The following NUP62CL variants were observed in gnomAD, a reference collection of about 807,000 sequenced individuals.
NUP62CL encodes nucleoporin-62 C-terminal-like protein.
Under a neutral mutation model 15.3 loss-of-function variants are expected in NUP62CL, and 13 were observed. The observed-to-expected ratio is 0.85, with a 90% CI of 0.55 to 1.35. NUP62CL has a LOEUF of 1.35. Among genes scored for constraint, NUP62CL ranks in the 40% most tolerant of loss-of-function variants. NUP62CL has a pLI of 0.00. For synonymous variants in NUP62CL, 54 were observed against 49.2 expected (o/e 1.10, Z -0.41); for missense variants, 123 against 130.6 (o/e 0.94, Z 0.28).
chrX:107,157,881 C>T (rs1394480943), intron 4 of NUP62CL, among the ~76,000 whole-genome samples: 1 of 110,377 alleles, frequency 9.1e-6, no homozygotes, highest in African/African-American at 3.3e-5. Context: ...ATTCAGGAGA[C>T]CCATCTCATG....
rs2343172 is a variant in NUP62CL at position 107,152,077 on chromosome X, C to T, written c.530+1095G>A. Among the ~76,000 whole-genome samples, 294 of 36,995 alleles carry T rather than the reference C, an allele frequency of 7.9e-3. 17 individuals carry two copies. The highest frequency in any genetic ancestry group is 0.022 in the East Asian group (17 of 768). The allele number at this position is 36,995 out of a possible 115,157, so 32.1% of individuals were successfully genotyped here. On this transcript the variant is annotated intron_variant, in intron 7 of 8. Coordinates refer to ENST00000372466, the MANE Select transcript of NUP62CL (RefSeq NM_017681.3). ...ATATATATATATATATATATATATT[C>T]AGATATATATATATATATTCAGATA...
At chrX:107,170,880 C>T (rs1375511754) in intron 3 of NUP62CL, among the ~76,000 whole-genome samples, 2 of 112,094 alleles carry the variant, frequency 1.8e-5, no homozygotes, top group South Asian at 7.3e-4. Flanking sequence ...TGGTCTTAAC[C>T]AGTTAATACA....
chrX:107,163,791 A>G (rs1264389593), intron 4 of NUP62CL, among the ~76,000 whole-genome samples: 6 of 111,910 alleles, frequency 5.4e-5, no homozygotes, highest in Non-Finnish European at 1.1e-4. Context: ...TAAAGGAATC[A>G]AGGCATCCAG....
chrX:107,189,704 T>A (rs1215950875), intron 2 of NUP62CL, among the ~76,000 whole-genome samples: 2 of 106,646 alleles, frequency 1.9e-5, no homozygotes. Context: ...GAAGAATCAC[T>A]TGAGCCTGGG....
chrX:107,165,482 C>G (rs1044310179), intron 4 of NUP62CL, among the ~76,000 whole-genome samples: 1 of 110,581 alleles, frequency 9.0e-6, no homozygotes, highest in Non-Finnish European at 1.9e-5. Context: ...TTTTATAGAG[C>G]CAATGTTACC....
chrX:107,203,889 TA>T (rs1490194894), intron 1 of NUP62CL, among the ~76,000 whole-genome samples: 1 of 111,460 alleles, frequency 9.0e-6, no homozygotes, highest in Non-Finnish European at 1.9e-5. Flanking sequence ...ACCAGTGTTT[TA>T]AAATACTCTA....
At chrX:107,199,156 A>G (rs1927424867) in intron 1 of NUP62CL, among the ~76,000 whole-genome samples, 2 of 111,633 alleles carry the variant, frequency 1.8e-5, no homozygotes, top group Admixed American at 1.9e-4. Flanking sequence ...GCACTTATTG[A>G]AACTGAAATC....
At chrX:107,152,117 G>GATATAT (rs3072230) in intron 7 of NUP62CL, among the ~76,000 whole-genome samples, 3 of 34,746 alleles carry the variant, frequency 8.6e-5, no homozygotes, top group African/African-American at 4.7e-4. Flanking sequence ...TATATATTCA[G>GATATAT]ATATATATAT....
In NUP62CL at chrX:107,124,024, G is replaced by A. The variant is rs907142516; in HGVS notation, c.*351C>T. On this transcript the variant is annotated 3_prime_UTR_variant, in exon 9 of 9. Transcript: ENST00000372466. ...ACACATATAGAGTCAGCATCTAAGA[G>A]GTTGCTGTCTGGACAAAGGGGCTAG... The A allele has an allele frequency of 4.4e-6, 1 of 226,455 alleles. No homozygotes were observed. The highest frequency in any genetic ancestry group is 6.9e-5 in the Admixed American group (1 of 14,516). 18.7% of individuals were successfully genotyped at this position (226,455 alleles called of 1,213,427 possible).
At chrX:107,184,504 A>AACT (rs1927005367) in intron 2 of NUP62CL, among the ~76,000 whole-genome samples, 1 of 111,411 alleles carries the variant, frequency 9.0e-6, no homozygotes, top group African/African-American at 3.3e-5. Flanking sequence ...AGAATCAGTG[A>AACT]ACTGGATGAT....
intron 2 of NUP62CL, among the ~76,000 whole-genome samples, chrX:107,189,842 G>GA (rs1335073707): frequency 1.1e-5 from 1 of 87,807 alleles, no homozygotes; most frequent in African/African-American, 4.4e-5. Context: ...AGGAAGGAAG[G>GA]AAGGAAGGAA....
chrX:107,176,670 A>G (rs1409350637), intron 2 of NUP62CL, among the ~76,000 whole-genome samples: 1 of 110,638 alleles, frequency 9.0e-6, no homozygotes, highest in Non-Finnish European at 1.9e-5. Flanking sequence ...TAAAACAGTG[A>G]ATTTTAAGAT....
chrX:107,154,170 G>C lies in NUP62CL; in HGVS notation c.271C>G (p.Gln91Glu), dbSNP rs1926117854. Reference protein sequence around the residue: ...INEWNLELEDQEKYFLLQATQ... With the variant: ...INEWNLELEDEEKYFLLQATQ... ...GCCTGGAGAAGAAAGTACTTCTCTT[G>C]ATCTTCCAGCTCAAGGTTCCACTCA... The change falls in exon 5 of 9, where the codon CAA becomes GAA. Residue 91 changes from glutamine (Q) to glutamate (E), a missense_variant. Physicochemically the swap from Gln to Glu is conservative, Grantham distance 29 (BLOSUM62 2). Transcript: ENST00000372466. The C allele has an allele frequency of 3.3e-6, 4 of 1,204,731 alleles. No individual in the cohort carries two copies. In the African/African-American group the frequency reaches 5.3e-5, roughly 16 times the overall value.
At chrX:107,139,777 T>C (rs895545712) in intron 8 of NUP62CL, among the ~76,000 whole-genome samples, 2 of 111,766 alleles carry the variant, frequency 1.8e-5, no homozygotes, top group African/African-American at 6.5e-5. Context: ...AACCTTGAAA[T>C]CTTAGGGGCT....
At chrX:107,181,656 A>G (rs578205888) in intron 2 of NUP62CL, among the ~76,000 whole-genome samples, 3 of 111,030 alleles carry the variant, frequency 2.7e-5, no homozygotes, top group African/African-American at 9.8e-5. Context: ...AAAGATTCCC[A>G]TTATGGTTTT....
At chrX:107,174,219 T>C (rs1043155273) in intron 3 of NUP62CL, among the ~76,000 whole-genome samples, 2 of 103,731 alleles carry the variant, frequency 1.9e-5, no homozygotes, top group Non-Finnish European at 3.9e-5. Context: ...TGGTGCAATC[T>C]TGGCTCACTG....
At chrX:107,135,329 A>C (rs1255823500) in intron 8 of NUP62CL, among the ~76,000 whole-genome samples, 1 of 112,077 alleles carries the variant, frequency 8.9e-6, no homozygotes, top group Non-Finnish European at 1.9e-5. Context: ...GCTTCTGGGA[A>C]GTTTCTTTAA....
chrX:107,166,298 C>T (rs1926514684), intron 4 of NUP62CL, among the ~76,000 whole-genome samples: 1 of 111,906 alleles, frequency 8.9e-6, no homozygotes, highest in Non-Finnish European at 1.9e-5. Flanking sequence ...GGCAAATAAA[C>T]ATGTGAAAAG....
chrX:107,200,898 T>C (rs1434772642), intron 1 of NUP62CL, among the ~76,000 whole-genome samples: 4 of 110,364 alleles, frequency 3.6e-5, no homozygotes, highest in Non-Finnish European at 5.7e-5. Flanking sequence ...CCCAAAACTC[T>C]GGAAAAGTAG....
Sources: gnomAD v4.1 joint callset for allele counts (sites outside exome capture counted in the v4.1 genomes callset) on GRCh38, gnomAD v4.1.1 for gene constraint, MANE v1.5 for transcripts, NCBI Gene and HGNC (gene_info 2026-07-23, HGNC 2026-07-21) for gene names.